Variants in PRKCE observed in about 807,000 individuals in gnomAD.
PRKCE encodes protein kinase C epsilon type.
PRKCE carries 16 observed loss-of-function variants against 85.4 expected under a neutral mutation model. The ratio of observed to expected loss-of-function variants is 0.19; its 90% CI spans 0.13 to 0.28. The LOEUF is 0.28. Among genes scored for constraint, PRKCE ranks in the 10% least tolerant of loss-of-function variants. The pLI is 1.00. For synonymous variants in PRKCE, 388 were observed against 371.5 expected (o/e 1.04, Z -0.51); for missense variants, 573 against 975.2 (o/e 0.59, Z 5.49).
intron 1 of PRKCE, among the ~76,000 whole-genome samples, chr2:45,804,449 G>C (rs539746527): frequency 6.6e-6 from 1 of 152,328 alleles, no homozygotes; most frequent in East Asian, 1.9e-4. Context: ...CCAGGGTTGA[G>C]AGCTCCTGGC....
intron 2 of PRKCE, among the ~76,000 whole-genome samples, chr2:45,973,064 G>T (rs2595208): frequency 6.6e-6 from 1 of 152,120 alleles, no homozygotes; most frequent in African/African-American, 2.4e-5. Flanking sequence ...ACATATAGAC[G>T]AGTGGAACAA....
At chr2:45,990,222 G>A (rs1397012624) in intron 6 of PRKCE, among the ~76,000 whole-genome samples, 1 of 152,118 alleles carries the variant, frequency 6.6e-6, no homozygotes, top group Non-Finnish European at 1.5e-5. Flanking sequence ...TTCCAAGCTC[G>A]CCCACATGGC....
intron 11 of PRKCE, among the ~76,000 whole-genome samples, chr2:46,098,328 CA>C (rs144412792): frequency 0.048 from 7,334 of 152,126 alleles, 289 homozygotes; most frequent in African/African-American, 0.095. Flanking sequence ...ACTCCCCCCC[CA>C]ACCCACACAG....
At chr2:46,127,893 G>A (rs1049970508) in intron 11 of PRKCE, among the ~76,000 whole-genome samples, 1 of 152,230 alleles carries the variant, frequency 6.6e-6, no homozygotes, top group African/African-American at 2.4e-5. Context: ...GTGTTTCTCA[G>A]ACATGGCCGT....
chr2:45,821,400 T>C (rs1305475770), intron 1 of PRKCE, among the ~76,000 whole-genome samples: 1 of 151,950 alleles, frequency 6.6e-6, no homozygotes, highest in Non-Finnish European at 1.5e-5. Flanking sequence ...CCCAGGAGGA[T>C]GGTGGGGGTG....
At position 46,110,257 on chromosome 2, in the gene PRKCE, A is replaced by G. The variant is rs1414073990; in HGVS notation, c.1592+23895A>G. ...TTCTATATTCTGGAACAGATTGTGG[A>G]TAATTGGTGTCATTTCTCCCTTAAG... On this transcript the variant is annotated intron_variant, in intron 11 of 14. Coordinates refer to ENST00000306156, the MANE Select transcript of PRKCE (RefSeq NM_005400.3). 3.3e-5 allele frequency among the ~76,000 whole-genome samples: 5 copies of G among 152,138 alleles called. No individual in the cohort carries two copies. In the East Asian group the frequency reaches 7.7e-4, roughly 23 times the overall value.
chr2:46,153,108 T>C (rs2104536721), intron 13 of PRKCE, among the ~76,000 whole-genome samples: 1 of 152,322 alleles, frequency 6.6e-6, no homozygotes, highest in East Asian at 1.9e-4. Context: ...GGCATGGTGC[T>C]AGATGCTGAA....
chr2:45,788,213 A>G (rs1285516074), intron 1 of PRKCE, among the ~76,000 whole-genome samples: 3 of 152,212 alleles, frequency 2.0e-5, no homozygotes, highest in African/African-American at 7.2e-5. Flanking sequence ...CTAAAGGCGT[A>G]TTCCTTAAAC....
rs1305426073 is a variant in PRKCE at position 46,001,742 on chromosome 2, T to C, written c.966+196T>C. 6.6e-6 allele frequency among the ~76,000 whole-genome samples: 1 copy of C among 152,130 alleles called. No homozygotes were observed. The highest frequency in any genetic ancestry group is 2.1e-4 in the South Asian group (1 of 4,824). On this transcript the variant is annotated intron_variant, in intron 7 of 14. Coordinates refer to ENST00000306156, the MANE Select transcript of PRKCE (RefSeq NM_005400.3). The surrounding 1 kb of genome is among the most constrained non-coding windows in gnomAD (Gnocchi z 4.4). The stretch of plus-strand genomic sequence containing the variant: ...TTAATGTCTTCTTGAGCTCCAAAAG[T>C]GGACTGAAAACACAGCAAGCCTCAA...
chr2:45,961,607 C>T (rs756232106), intron 2 of PRKCE, among the ~76,000 whole-genome samples: 1 of 152,190 alleles, frequency 6.6e-6, no homozygotes, highest in Non-Finnish European at 1.5e-5. Context: ...AGTTCAGGAG[C>T]AGCTTTAGCT....
At chr2:45,942,872 T>G (rs1025159737) in intron 2 of PRKCE, among the ~76,000 whole-genome samples, 4 of 152,238 alleles carry the variant, frequency 2.6e-5, no homozygotes, top group Non-Finnish European at 5.9e-5. Context: ...AGTGGAAATA[T>G]GCTTACAGTA....
chr2:45,866,005 A>G (rs558929948), intron 2 of PRKCE, among the ~76,000 whole-genome samples: 20 of 152,006 alleles, frequency 1.3e-4, no homozygotes, highest in African/African-American at 4.1e-4. Context: ...TATTTTGTAG[A>G]GACACAGTTT....
At chr2:45,948,537 G>T (rs1700394873) in intron 2 of PRKCE, among the ~76,000 whole-genome samples, 1 of 152,144 alleles carries the variant, frequency 6.6e-6, no homozygotes, top group African/African-American at 2.4e-5. Context: ...TACTCAAGAG[G>T]CTGAGGTGGG....
chr2:45,720,266 G>A (rs1024477818), intron 1 of PRKCE, among the ~76,000 whole-genome samples: 2 of 152,138 alleles, frequency 1.3e-5, no homozygotes, highest in Non-Finnish European at 2.9e-5. Flanking sequence ...TGGAGGAGTT[G>A]AGATAAAGTG....
At chr2:45,767,316 A>G (rs1309572990) in intron 1 of PRKCE, among the ~76,000 whole-genome samples, 1 of 152,222 alleles carries the variant, frequency 6.6e-6, no homozygotes, top group Non-Finnish European at 1.5e-5. Context: ...CTGCACAGCA[A>G]TGGCTCCTTT....
intron 1 of PRKCE, among the ~76,000 whole-genome samples, chr2:45,810,021 G>C (rs747016046): frequency 6.6e-5 from 10 of 150,538 alleles, no homozygotes; most frequent in Non-Finnish European, 1.3e-4. Context: ...CCAGGCAGCA[G>C]GATAGAGAGA....
At chr2:45,956,319 T>C (rs1426027336) in intron 2 of PRKCE, among the ~76,000 whole-genome samples, 1 of 152,202 alleles carries the variant, frequency 6.6e-6, no homozygotes, top group Non-Finnish European at 1.5e-5. Flanking sequence ...AACTTTTTAT[T>C]TCATTTGAAT....
chr2:45,894,341 C>T (rs909494183), intron 2 of PRKCE, among the ~76,000 whole-genome samples: 1 of 151,492 alleles, frequency 6.6e-6, no homozygotes, highest in Non-Finnish European at 1.5e-5. Context: ...CTGGTTAATG[C>T]CAGGTAGCGA....
At chr2:45,682,918 A>G (rs1677021889) in intron 1 of PRKCE, among the ~76,000 whole-genome samples, 1 of 152,184 alleles carries the variant, frequency 6.6e-6, no homozygotes, top group African/African-American at 2.4e-5. Context: ...TTCCTGGCAT[A>G]TAGTAGGCAA....
Sources: allele counts gnomAD v4.1 joint callset (sites outside exome capture counted in the v4.1 genomes callset), GRCh38; gene constraint gnomAD v4.1.1; non-coding constraint Gnocchi (gnomAD v3.1); transcripts MANE v1.5; gene names NCBI Gene and HGNC (gene_info 2026-07-23, HGNC 2026-07-21).